Variants in SLMAP observed in about 807,000 individuals in gnomAD.
SLMAP encodes sarcolemmal membrane-associated protein.
SLMAP carries 44 observed loss-of-function variants against 128.8 expected under a neutral mutation model. The ratio of observed to expected loss-of-function variants is 0.34; its 90% CI spans 0.27 to 0.44. SLMAP has a LOEUF of 0.44. Among genes scored for constraint, SLMAP ranks in the 20% least tolerant of loss-of-function variants. The pLI, the probability that SLMAP is intolerant of heterozygous loss-of-function variation, is 1.00. For missense variants in SLMAP, 787 were observed against 985.3 expected (o/e 0.80, Z 2.69); for synonymous variants, 327 against 348.8 (o/e 0.94, Z 0.70).
chr3:57,912,819 C>A, intron 20 of SLMAP, 118 bp downstream of exon 20: 1 of 677,328 alleles, frequency 1.5e-6, no homozygotes. Flanking sequence ...TTGTATAAAC[C>A]AATGTTTTTA....
chr3:57,785,431 A>G (rs2083889079), intron 2 of SLMAP, among the ~76,000 whole-genome samples: 3 of 152,234 alleles, frequency 2.0e-5, no homozygotes, highest in Admixed American at 2.0e-4. Context: ...AGTTGCATTT[A>G]CTAATATAAT....
At chr3:57,789,259 G>C (rs1227988580) in intron 2 of SLMAP, among the ~76,000 whole-genome samples, 1 of 152,224 alleles carries the variant, frequency 6.6e-6, no homozygotes, top group Non-Finnish European at 1.5e-5. Context: ...AACCACTGCA[G>C]TGGGGTGTGG....
chr3:57,841,979 T>G lies in SLMAP; in HGVS notation c.419+608T>G, dbSNP rs545643230. Among the ~76,000 whole-genome samples the G allele has an allele frequency of 3.8e-4, 58 of 152,316 alleles. No individual in the cohort carries two copies. In the Middle Eastern group the frequency reaches 0.01, roughly 27 times the overall value. On this transcript the variant is annotated intron_variant, in intron 4 of 24. Coordinates refer to ENST00000671191, the MANE Select transcript of SLMAP (RefSeq NM_001377540.1). Reference sequence around the variant, plus strand: ...TTGGGGTTTTCAGAGATTATTATTATGAAGTGTTGAAGGGAGTTGAGCAAT... The same window carrying G: ...TTGGGGTTTTCAGAGATTATTATTAGGAAGTGTTGAAGGGAGTTGAGCAAT...
At chr3:57,868,471 A>G (rs1022848236) in intron 13 of SLMAP, among the ~76,000 whole-genome samples, 1 of 151,504 alleles carries the variant, frequency 6.6e-6, no homozygotes, top group African/African-American at 2.4e-5. Context: ...TGTGCCTGTA[A>G]TCCCAGCACT....
chr3:57,824,460 C>CT (rs2092770010), intron 2 of SLMAP, among the ~76,000 whole-genome samples: 1 of 152,110 alleles, frequency 6.6e-6, no homozygotes, highest in Non-Finnish European at 1.5e-5. Flanking sequence ...AGGGGTCCAA[C>CT]TTTACTTTTC....
intron 2 of SLMAP, among the ~76,000 whole-genome samples, chr3:57,814,360 T>TA (rs536508889): frequency 8.6e-4 from 131 of 152,030 alleles, no homozygotes; most frequent in African/African-American, 2.9e-3. Flanking sequence ...AGGCTGGTCT[T>TA]AAACTCCTGG....
intron 14 of SLMAP, among the ~76,000 whole-genome samples, chr3:57,879,563 A>C (rs1453407117): frequency 6.6e-6 from 1 of 152,230 alleles, no homozygotes; most frequent in East Asian, 1.9e-4. Context: ...ATTTATATAA[A>C]GTTCAAAACT....
chr3:57,848,556 CCTT>C (rs1340688531), intron 5 of SLMAP, among the ~76,000 whole-genome samples: 3 of 146,070 alleles, frequency 2.1e-5, no homozygotes, highest in South Asian at 2.3e-4. Flanking sequence ...TTTCCTCCCT[CCTT>C]CTCCTTTTTC....
chr3:57,802,993 TA>T (rs1247589231), intron 2 of SLMAP, among the ~76,000 whole-genome samples: 1 of 151,968 alleles, frequency 6.6e-6, no homozygotes, highest in Non-Finnish European at 1.5e-5. Context: ...GTAAGAGAGT[TA>T]AAGTGCAGTG....
intron 21 of SLMAP, 23 bp from the exon 22 acceptor site, chr3:57,916,883 A>G (rs904027727): frequency 8.1e-6 from 13 of 1,599,826 alleles, no homozygotes; most frequent in Middle Eastern, 1.7e-4. Context: ...GTGAATAACT[A>G]TCTGTCAATA....
At chr3:57,774,353 G>A (rs1374965924) in intron 2 of SLMAP, among the ~76,000 whole-genome samples, 2 of 152,008 alleles carry the variant, frequency 1.3e-5, no homozygotes, top group East Asian at 3.8e-4. Flanking sequence ...TGAATAATGT[G>A]TGAAAAAATG....
chr3:57,832,276 A>G (rs1002344099), intron 3 of SLMAP, among the ~76,000 whole-genome samples: 8 of 152,234 alleles, frequency 5.3e-5, no homozygotes, highest in Non-Finnish European at 1.2e-4. Context: ...TTGTGTGTAC[A>G]TTGTTACCCC....
chr3:57,867,642 G>A (rs982671487), intron 13 of SLMAP, among the ~76,000 whole-genome samples: 3 of 152,048 alleles, frequency 2.0e-5, no homozygotes, highest in Admixed American at 6.5e-5. Flanking sequence ...AATAAGATGC[G>A]TCACTTAATT....
In SLMAP at chr3:57,895,393, T is replaced by C. The variant is rs149745299; in HGVS notation, c.1361-1118T>C. Among the ~76,000 whole-genome samples the C allele has an allele frequency of 8.4e-3, 1,274 of 152,186 alleles. 10 individuals carry two copies. The highest frequency in any genetic ancestry group is 0.014 in the Non-Finnish European group (948 of 68,022). ...CTCTGTCACCCAGGCTGGAGTGCAG[T>C]GGCACAATCTCGGCTCACTGCAACC... On this transcript the variant is annotated intron_variant, in intron 15 of 24. Transcript: ENST00000671191.
intron 4 of SLMAP, among the ~76,000 whole-genome samples, chr3:57,843,775 CTTTTTTTTTTTTTTTTTT>C: frequency 1.3e-5 from 1 of 77,140 alleles, no homozygotes; most frequent in East Asian, 4.6e-4. Flanking sequence ...TCTTTTCTTT[CTTTTTTTTTTTTTTTTTT>C]TTTTGAGACA....
At position 57,907,940 on chromosome 3, in the gene SLMAP, C is replaced by A. The variant is rs1450506650; in HGVS notation, c.1558C>A (p.Arg520=). The A allele has an allele frequency of 6.2e-7, 1 of 1,613,582 alleles. No individual in the cohort carries two copies. The highest frequency in any genetic ancestry group is 2.2e-5 in the East Asian group (1 of 44,858). Residue 520 remains arginine, a synonymous_variant, in exon 18 of 25, where the codon CGA becomes AGA. Coordinates refer to ENST00000671191, the MANE Select transcript of SLMAP (RefSeq NM_001377540.1). ...GGCAAAGCAAGAAATACAGCATCTT[C>A]GAAAGGAATTGATCGAAGCCCAGGA... ...IEAKQEIQHL[R]KELIEAQELA...
intron 3 of SLMAP, among the ~76,000 whole-genome samples, chr3:57,835,045 C>G (rs1451458034): frequency 2.0e-5 from 3 of 146,828 alleles, no homozygotes; most frequent in Non-Finnish European, 4.4e-5. Flanking sequence ...TGGCTTGAGC[C>G]TGGGAGGCAG....
intron 6 of SLMAP, among the ~76,000 whole-genome samples, chr3:57,850,058 C>T (rs2094446581): frequency 6.6e-6 from 1 of 151,970 alleles, no homozygotes. Flanking sequence ...CATCTGTAGT[C>T]CCAGCTACTT....
At chr3:57,890,379 A>G (rs1482949338) in intron 15 of SLMAP, 2 of 298,428 alleles carry the variant, frequency 6.7e-6, no homozygotes, top group Non-Finnish European at 1.2e-5. Context: ...ATTTGTTGCA[A>G]TCTCTGTCAT....
Sources: allele counts gnomAD v4.1 joint callset (sites outside exome capture counted in the v4.1 genomes callset), GRCh38; gene constraint gnomAD v4.1.1; transcripts MANE v1.5; gene names NCBI Gene and HGNC (gene_info 2026-07-23, HGNC 2026-07-21).